The following SORCS1 variants were observed in gnomAD, a reference collection of about 807,000 sequenced individuals.
SORCS1 encodes the protein VPS10 domain-containing receptor SorCS1.
SORCS1 carries 60 observed loss-of-function variants against 146.1 expected under a neutral mutation model. That is an observed-to-expected ratio of 0.41 (90% CI 0.33 to 0.51). The LOEUF (loss-of-function observed/expected upper bound fraction) is 0.51. SORCS1 is among the 20% of genes least tolerant of loss of function. SORCS1 has a pLI of 0.21. For synonymous variants in SORCS1, 637 were observed against 584.0 expected (o/e 1.09, Z -1.31); for missense variants, 1,352 against 1,487.6 (o/e 0.91, Z 1.50).
chr10:106,665,282 C>T (rs1046913370), intron 17 of SORCS1, among the ~76,000 whole-genome samples: 6 of 152,050 alleles, frequency 3.9e-5, no homozygotes, highest in African/African-American at 1.5e-4. Context: ...GTAGCTGGCT[C>T]AAGAAAGGAG....
chr10:106,620,506 CTCTTTGT>C lies in SORCS1; in HGVS notation c.2711_2717del (p.Asn904ArgfsTer29). Reference sequence around the variant, plus strand: ...GCCACAGCACTGCCGTCGCATTGACCTCTTTGTTCTTTGTGGTGACAAAGGGAAGAGA... The same window carrying C: ...GCCACAGCACTGCCGTCGCATTGACCTCTTTGTGGTGACAAAGGGAAGAGA... On this transcript the variant is annotated frameshift_variant, in exon 20 of 26. Transcript: ENST00000263054. LOFTEE classifies it high-confidence loss of function. 1 of 1,614,130 alleles carries C rather than the reference CTCTTTGT, an allele frequency of 6.2e-7. No homozygotes were observed. The highest frequency in any genetic ancestry group is 8.5e-7 in the Non-Finnish European group (1 of 1,179,966).
intron 3 of SORCS1, among the ~76,000 whole-genome samples, chr10:106,784,162 G>A (rs1376130616): frequency 1.3e-5 from 2 of 152,104 alleles, no homozygotes; most frequent in South Asian, 4.1e-4. Flanking sequence ...TTGGGAGGCC[G>A]AGGCAGGCGG....
intron 6 of SORCS1, among the ~76,000 whole-genome samples, chr10:106,718,374 A>G (rs1855531963): frequency 6.6e-6 from 1 of 152,196 alleles, no homozygotes; most frequent in Non-Finnish European, 1.5e-5. Context: ...TTCATGAATG[A>G]AGCTGCAGAC....
chr10:107,107,707 T>C (rs1247149975), intron 1 of SORCS1, among the ~76,000 whole-genome samples: 3 of 152,204 alleles, frequency 2.0e-5, no homozygotes, highest in Non-Finnish European at 4.4e-5. Context: ...GAGCCCGATA[T>C]TCAGTAGGGC....
At chr10:106,657,744 T>C (rs1850417051) in intron 17 of SORCS1, among the ~76,000 whole-genome samples, 1 of 151,534 alleles carries the variant, frequency 6.6e-6, no homozygotes, top group Non-Finnish European at 1.5e-5. Context: ...AAAACTAGTG[T>C]TGTAGAACCA....
chr10:107,046,724 G>A (rs1399130205), intron 1 of SORCS1, among the ~76,000 whole-genome samples: 1 of 152,130 alleles, frequency 6.6e-6, no homozygotes, highest in Non-Finnish European at 1.5e-5. Flanking sequence ...GGATTATTTG[G>A]CTTTCTAAAT....
At chr10:106,888,862 T>A (rs964454128) in intron 2 of SORCS1, among the ~76,000 whole-genome samples, 4 of 151,960 alleles carry the variant, frequency 2.6e-5, no homozygotes, top group African/African-American at 9.7e-5. Context: ...TGGAACGGAG[T>A]TTACGCTGGA....
At chr10:106,885,288 G>A (rs982003907) in intron 2 of SORCS1, among the ~76,000 whole-genome samples, 7 of 149,144 alleles carry the variant, frequency 4.7e-5, no homozygotes, top group African/African-American at 1.2e-4. Flanking sequence ...AGAAAATTGG[G>A]GGGGGGGAAC....
intron 10 of SORCS1, among the ~76,000 whole-genome samples, chr10:106,681,539 A>ATT (rs1852433237): frequency 6.6e-6 from 1 of 152,166 alleles, no homozygotes; most frequent in African/African-American, 2.4e-5. Flanking sequence ...TCACTTTACT[A>ATT]TTTTACTCAG....
At chr10:106,840,440 C>G (rs1250669578) in intron 2 of SORCS1, among the ~76,000 whole-genome samples, 1 of 152,102 alleles carries the variant, frequency 6.6e-6, no homozygotes, top group South Asian at 2.1e-4. Context: ...ACACTTGAAC[C>G]AATGAGGAGT....
At chr10:107,102,544 A>G (rs1011012243) in intron 1 of SORCS1, among the ~76,000 whole-genome samples, 5 of 152,162 alleles carry the variant, frequency 3.3e-5, no homozygotes, top group Admixed American at 2.0e-4. Context: ...GAATCTAACT[A>G]TGATTTGTTA....
At chr10:106,732,659 A>G (rs1351218850) in intron 5 of SORCS1, among the ~76,000 whole-genome samples, 1 of 152,246 alleles carries the variant, frequency 6.6e-6, no homozygotes, top group Non-Finnish European at 1.5e-5. Flanking sequence ...TACTTGGCTT[A>G]CGGCTAGTGT....
intron 1 of SORCS1, among the ~76,000 whole-genome samples, chr10:106,978,615 T>C (rs934601025): frequency 3.3e-5 from 5 of 152,116 alleles, no homozygotes; most frequent in African/African-American, 9.6e-5. Flanking sequence ...CTGACCAACA[T>C]GGTGAAACCC....
intron 2 of SORCS1, among the ~76,000 whole-genome samples, chr10:106,932,358 G>A (rs1479920226): frequency 6.6e-6 from 1 of 151,976 alleles, no homozygotes; most frequent in Non-Finnish European, 1.5e-5. Context: ...CATGCATTTG[G>A]CATCAAATCC....
intron 2 of SORCS1, among the ~76,000 whole-genome samples, chr10:106,887,150 T>C (rs1444763485): frequency 6.6e-6 from 1 of 152,194 alleles, no homozygotes; most frequent in African/African-American, 2.4e-5. Flanking sequence ...TTAATATTAA[T>C]ATATTGTTTA....
rs1308991826 is a variant in SORCS1 at position 106,976,257 on chromosome 10, A to G, written c.559-19677T>C. On this transcript the variant is annotated intron_variant, in intron 1 of 25. Transcript: ENST00000263054. ...CAGTTCTGGAATACATGTGCAGAAC[A>G]TGCAGGTTTGCTACATAGGTATATA... Among the ~76,000 whole-genome samples the G allele has an allele frequency of 2.0e-5, 3 of 150,748 alleles. No individual in the cohort carries two copies. In the East Asian group the frequency reaches 5.8e-4, roughly 29 times the overall value.
chr10:106,993,972 G>T (rs1956881311), intron 1 of SORCS1, among the ~76,000 whole-genome samples: 1 of 146,514 alleles, frequency 6.8e-6, no homozygotes, highest in Non-Finnish European at 1.5e-5. Context: ...TACTCGGGAG[G>T]ATCGCTTGAG....
chr10:107,153,261 G>A (rs972977525), intron 1 of SORCS1, among the ~76,000 whole-genome samples: 7 of 151,536 alleles, frequency 4.6e-5, no homozygotes, highest in South Asian at 2.1e-4. Flanking sequence ...GTGGCCTTAC[G>A]ATACTAATAT....
intron 23 of SORCS1, among the ~76,000 whole-genome samples, chr10:106,605,127 T>C (rs1487593092): frequency 6.6e-6 from 1 of 152,238 alleles, no homozygotes; most frequent in Non-Finnish European, 1.5e-5. Context: ...TAGTTTCAGA[T>C]CTCTGATGAC....
Sources: allele counts gnomAD v4.1 joint callset (sites outside exome capture counted in the v4.1 genomes callset), GRCh38; gene constraint gnomAD v4.1.1; transcripts MANE v1.5; gene names NCBI Gene and HGNC (gene_info 2026-07-23, HGNC 2026-07-21).